NKAIN3: variants seen among roughly 807,000 people sequenced by gnomAD.
The protein encoded by NKAIN3 is sodium/potassium transporting ATPase interacting 3, also known as sodium/potassium-transporting ATPase subunit beta-1-interacting protein 3.
NKAIN3 carries 25 observed loss-of-function variants against 30.2 expected under a neutral mutation model. The observed-to-expected ratio is 0.83, with a 90% CI of 0.60 to 1.16. NKAIN3 has a LOEUF of 1.16. Ranked by LOEUF, NKAIN3 falls within the 50% of genes most tolerant of loss-of-function variation. The probability of loss-of-function intolerance (pLI) is 0.00; values close to 1 mark genes in which losing one functional copy is unlikely to be tolerated. For missense variants in NKAIN3, 225 were observed against 254.1 expected, an observed-to-expected ratio of 0.89 and a Z score of 0.78; for synonymous variants, 91 against 89.6, an observed-to-expected ratio of 1.02 and a Z score of -0.09.
At chr8:62,855,911 G>A in intron 4 of NKAIN3, 1 of 760,170 alleles carries the variant, frequency 1.3e-6, no homozygotes, top group Non-Finnish European at 2.5e-6. Flanking sequence ...TGCGGGGTGT[G>A]TATCTGCGTG....
intron 4 of NKAIN3, among the ~76,000 whole-genome samples, chr8:62,843,274 C>T (rs1486379878): frequency 6.6e-6 from 1 of 151,720 alleles, no homozygotes; most frequent in African/African-American, 2.4e-5. Context: ...TCCAGAAAAA[C>T]AGTTCCCTGC....
At chr8:62,443,929 T>TTA (rs1369669142) in intron 1 of NKAIN3, among the ~76,000 whole-genome samples, 1 of 152,120 alleles carries the variant, frequency 6.6e-6, no homozygotes, top group Non-Finnish European at 1.5e-5. Flanking sequence ...CTCATTTCAT[T>TTA]TATATAAAGC....
chr8:62,323,568 G>A (rs1815013274), intron 1 of NKAIN3, among the ~76,000 whole-genome samples: 1 of 152,168 alleles, frequency 6.6e-6, no homozygotes, highest in Non-Finnish European at 1.5e-5. Context: ...TGGCCTTTGT[G>A]TAAAGTTGTG....
intron 1 of NKAIN3, chr8:62,483,318 C>T (rs72651527): frequency 0.019 from 3,120 of 165,520 alleles, 46 homozygotes; most frequent in Admixed American, 0.046. Flanking sequence ...TGTTGGAGCA[C>T]ACTGCGGAGG....
chr8:62,744,690 A>C (rs930512779), intron 3 of NKAIN3, among the ~76,000 whole-genome samples: 32 of 152,324 alleles, frequency 2.1e-4, no homozygotes, highest in African/African-American at 7.2e-4. Context: ...TGCATCTCTG[A>C]TGTTTGTGTG....
intron 3 of NKAIN3, among the ~76,000 whole-genome samples, chr8:62,637,685 A>G (rs1000009755): frequency 3.3e-5 from 5 of 152,150 alleles, no homozygotes; most frequent in Admixed American, 3.3e-4. Context: ...CAAATTGCAC[A>G]GCGATGGTTC....
At chr8:62,894,412 A>G (rs1306770731) in intron 4 of NKAIN3, among the ~76,000 whole-genome samples, 3 of 151,838 alleles carry the variant, frequency 2.0e-5, no homozygotes, top group African/African-American at 7.3e-5. Context: ...TTTTCACATT[A>G]CTTTTGTTTT....
At chr8:62,518,354 AAAAC>A (rs1162092246) in intron 1 of NKAIN3, among the ~76,000 whole-genome samples, 7 of 152,238 alleles carry the variant, frequency 4.6e-5, no homozygotes, top group South Asian at 2.1e-4. Flanking sequence ...TCCATCTCAA[AAAAC>A]AAACAAACAA....
chr8:62,413,476 G>GAATTATTAAGTGTTTTTC (rs1804329918), intron 1 of NKAIN3, among the ~76,000 whole-genome samples: 1 of 152,022 alleles, frequency 6.6e-6, no homozygotes, highest in African/African-American at 2.4e-5. Flanking sequence ...TTATTATGTT[G>GAATTATTAAGTGTTTTTC]AATTATTAAG....
chr8:62,605,085 G>T (rs568546595), intron 3 of NKAIN3, among the ~76,000 whole-genome samples: 41 of 152,234 alleles, frequency 2.7e-4, no homozygotes, highest in African/African-American at 9.1e-4. Flanking sequence ...AAGGGCTGCT[G>T]TAGAGCTAAT....
At chr8:62,802,511 A>G (rs1445569767) in intron 4 of NKAIN3, among the ~76,000 whole-genome samples, 2 of 152,180 alleles carry the variant, frequency 1.3e-5, no homozygotes, top group Non-Finnish European at 2.9e-5. Context: ...ATCCAGCCAA[A>G]CTAAGCTTCA....
intron 3 of NKAIN3, among the ~76,000 whole-genome samples, chr8:62,743,829 C>A (rs919960962): frequency 1.3e-5 from 2 of 152,204 alleles, no homozygotes; most frequent in Non-Finnish European, 2.9e-5. Context: ...CAAGACCTGT[C>A]TGCTCAGATT....
chr8:62,689,006 G>A (rs890550413), intron 3 of NKAIN3, among the ~76,000 whole-genome samples: 5 of 152,000 alleles, frequency 3.3e-5, no homozygotes, highest in Admixed American at 3.3e-4. Flanking sequence ...AATAACAACT[G>A]TAAGTATGTA....
At chr8:62,910,560 A>G (rs1388996495) in intron 4 of NKAIN3, among the ~76,000 whole-genome samples, 1 of 152,168 alleles carries the variant, frequency 6.6e-6, no homozygotes, top group African/African-American at 2.4e-5. Flanking sequence ...GTACAATTTT[A>G]TTTTATATTA....
At chr8:62,857,077 C>G in intron 4 of NKAIN3, 1 of 462,506 alleles carries the variant, frequency 2.2e-6, no homozygotes, top group South Asian at 1.7e-5. Flanking sequence ...CGACTCCCAC[C>G]TTTACATGTT....
chr8:62,430,842 G>A (rs1804971865), intron 1 of NKAIN3, among the ~76,000 whole-genome samples: 1 of 151,802 alleles, frequency 6.6e-6, no homozygotes, highest in African/African-American at 2.4e-5. Context: ...AAAGGGAGCT[G>A]TTTTTAAAAA....
chr8:62,366,517 C>T (rs1036022710), intron 1 of NKAIN3, among the ~76,000 whole-genome samples: 11 of 152,148 alleles, frequency 7.2e-5, no homozygotes, highest in Non-Finnish European at 1.3e-4. Context: ...TGAGCCACTA[C>T]GCCCAGCCGC....
At chr8:62,613,664 T>C (rs1019017806) in intron 3 of NKAIN3, among the ~76,000 whole-genome samples, 2 of 152,130 alleles carry the variant, frequency 1.3e-5, no homozygotes, top group Admixed American at 1.3e-4. Flanking sequence ...ATTTTCCCTT[T>C]TGAGGCCATT....
At chr8:62,747,223 G>A in intron 4 of NKAIN3, 94 bp downstream of exon 4, 1 of 727,968 alleles carries the variant, frequency 1.4e-6, no homozygotes, top group Non-Finnish European at 2.3e-6. Flanking sequence ...CCACAGATAA[G>A]CACACAGAGA....
Sources: gnomAD v4.1 joint callset for allele counts (sites outside exome capture counted in the v4.1 genomes callset) on GRCh38, gnomAD v4.1.1 for gene constraint, MANE v1.5 for transcripts, NCBI Gene and HGNC (gene_info 2026-07-23, HGNC 2026-07-21) for gene names.